The following SLC12A9 variants were observed in gnomAD, a reference collection of about 807,000 sequenced individuals.
SLC12A9 encodes solute carrier family 12 member 9.
SLC12A9 carries 55 observed loss-of-function variants against 66.0 expected under a neutral mutation model. The ratio of observed to expected loss-of-function variants is 0.83; its 90% CI spans 0.67 to 1.04. The LOEUF (loss-of-function observed/expected upper bound fraction) is 1.04, where lower values mean the gene tolerates loss of function less well. SLC12A9 is among the 50% of genes least tolerant of loss of function. The probability of loss-of-function intolerance (pLI) is 0.00; values close to 1 mark genes in which losing one functional copy is unlikely to be tolerated. For synonymous variants in SLC12A9, 577 were observed against 569.0 expected (o/e 1.01, Z -0.20); for missense variants, 1,061 against 1,241.9 (o/e 0.85, Z 2.19).
chr7:100,835,419 AG>A (rs1813633054), intron 1 of SLC12A9, among the ~76,000 whole-genome samples: 1 of 150,972 alleles, frequency 6.6e-6, no homozygotes, highest in South Asian at 2.1e-4. Flanking sequence ...TGGGAAGCCG[AG>A]GTGGGCAGAT....
intron 1 of SLC12A9, among the ~76,000 whole-genome samples, chr7:100,833,731 G>A (rs1411639637): frequency 1.3e-5 from 2 of 151,766 alleles, no homozygotes; most frequent in Non-Finnish European, 2.9e-5. Flanking sequence ...TCAGGAGATC[G>A]AGACAATCCT....
At chr7:100,862,530 G>A in intron 12 of SLC12A9, 151 bp from the exon 13 acceptor site, 1 of 910,376 alleles carries the variant, frequency 1.1e-6, no homozygotes, top group Non-Finnish European at 1.6e-6. Flanking sequence ...ACAGGCATGA[G>A]CCCCGACACC....
intron 1 of SLC12A9, among the ~76,000 whole-genome samples, chr7:100,839,904 G>C (rs914926035): frequency 1.1e-4 from 17 of 151,522 alleles, no homozygotes; most frequent in East Asian, 3.9e-4. Context: ...TTAGCTGGGC[G>C]TGGTGGTGGG....
chr7:100,833,932 CAAAAAAAAAAAAAAAAAA>C (rs60667059), intron 1 of SLC12A9, among the ~76,000 whole-genome samples: 1 of 63,076 alleles, frequency 1.6e-5, no homozygotes, highest in African/African-American at 9.0e-5. Context: ...GACTCTGTCT[CAAAAAAAAAAAAAAAAAA>C]AAAAAAAAAA....
intron 1 of SLC12A9, among the ~76,000 whole-genome samples, chr7:100,838,529 T>G (rs1813714062): frequency 6.6e-6 from 1 of 152,058 alleles, no homozygotes. Flanking sequence ...ATTTATTTAT[T>G]TATTTTGAGA....
intron 1 of SLC12A9, among the ~76,000 whole-genome samples, chr7:100,845,792 T>C (rs1813898455): frequency 6.6e-6 from 1 of 152,204 alleles, no homozygotes; most frequent in South Asian, 2.1e-4. Context: ...GAGAGAATCA[T>C]ACAATATTAT....
intron 1 of SLC12A9, among the ~76,000 whole-genome samples, chr7:100,844,659 A>G (rs1813867745): frequency 6.6e-6 from 1 of 152,218 alleles, no homozygotes; most frequent in South Asian, 2.1e-4. Context: ...AAAGGAAAAA[A>G]TGGCCCTTCC....
chr7:100,828,704 T>G (rs2116482405), intron 1 of SLC12A9, among the ~76,000 whole-genome samples: 2 of 152,202 alleles, frequency 1.3e-5, no homozygotes, highest in East Asian at 3.9e-4. Flanking sequence ...GGGCTGCGGC[T>G]GCGGCTGCTG....
intron 1 of SLC12A9, among the ~76,000 whole-genome samples, chr7:100,845,451 G>A (rs1042663449): frequency 6.6e-6 from 1 of 151,972 alleles, no homozygotes; most frequent in Non-Finnish European, 1.5e-5. Flanking sequence ...CCGGGTTCAC[G>A]CCATTCTCCT....
chr7:100,854,519 G>A (rs937855871), intron 2 of SLC12A9, 101 bp from the exon 3 acceptor site: 3 of 1,597,760 alleles, frequency 1.9e-6, no homozygotes, highest in African/African-American at 1.3e-5. Context: ...GGGGCTCTCT[G>A]TGGGCTTGCA....
At chr7:100,859,359 G>A (rs1814599130) in intron 7 of SLC12A9, 198 bp downstream of exon 7, 1 of 598,302 alleles carries the variant, frequency 1.7e-6, no homozygotes, top group African/African-American at 1.9e-5. Context: ...GGGAGTGAGG[G>A]TGGGTAGTGG....
chr7:100,840,636 T>G (rs1813766731), intron 1 of SLC12A9, among the ~76,000 whole-genome samples: 2 of 142,452 alleles, frequency 1.4e-5, no homozygotes, highest in African/African-American at 2.6e-5. Context: ...AGAGAGGGAG[T>G]CAAGGAGAGA....
Position 100,865,714 on chromosome 7 carries a change from C to T in SLC12A9, c.1859-5C>T, listed in dbSNP as rs762720592. 5 of 1,602,950 alleles carry T rather than the reference C, an allele frequency of 3.1e-6. No homozygotes were observed. Among genetic ancestry groups the T allele is most frequent in the African/African-American group, 2.7e-5 (2 of 74,792 alleles). ...CTGTTCCTGCCTTCCCCGCTCTGCC[C>T]CCAGGTGGCATGAAGCCCAACACGT... On this transcript the variant is annotated splice_polypyrimidine_tract_variant and splice_region_variant and intron_variant, in intron 13 of 13. Transcript: ENST00000354161.
chr7:100,854,559 C>A, intron 2 of SLC12A9, 61 bp from the exon 3 acceptor site: 1 of 1,608,334 alleles, frequency 6.2e-7, no homozygotes, highest in African/African-American at 1.3e-5. Context: ...TCTGCAGAAC[C>A]AGGGGGTGGG....
At chr7:100,863,125 C>A (rs986825589) in intron 13 of SLC12A9, among the ~76,000 whole-genome samples, 13 of 146,800 alleles carry the variant, frequency 8.9e-5, no homozygotes, top group African/African-American at 3.0e-4. Flanking sequence ...AGTACAGTGG[C>A]ACGATCTTGG....
Position 100,866,915 on chromosome 7 carries a change from T to G in SLC12A9, c.*310T>G. 3 of 352,704 alleles carry G rather than the reference T, an allele frequency of 8.5e-6. No homozygotes were observed. The allele number at this position is 352,704 out of a possible 1,614,324, so 21.8% of individuals were successfully genotyped here. A position where few individuals can be genotyped will look rare whatever the true frequency, so the allele number is the denominator to read the frequency against. ...ACTCTGGGCTACCTCAGTTTCCCCA[T>G]TTTGGCCAGACTCACCGGCCCACTG... On this transcript the variant is annotated 3_prime_UTR_variant, in exon 14 of 14. Coordinates refer to ENST00000354161, the MANE Select transcript of SLC12A9 (RefSeq NM_020246.4). The surrounding 1 kb of genome is among the most constrained non-coding windows in gnomAD (Gnocchi z 7.3).
At chr7:100,829,397 A>G (rs1249078222) in intron 1 of SLC12A9, among the ~76,000 whole-genome samples, 1 of 152,118 alleles carries the variant, frequency 6.6e-6, no homozygotes, top group Non-Finnish European at 1.5e-5. Context: ...CGTCCCAGAA[A>G]GGACAGCCGG....
Position 100,855,815 on chromosome 7 carries a change from T to G in SLC12A9, c.426T>G (p.Ser142=). The G allele has an allele frequency of 6.2e-7, 1 of 1,611,890 alleles. No individual in the cohort carries two copies. Among genetic ancestry groups the G allele is most frequent in the South Asian group, 1.1e-5 (1 of 90,720 alleles). The change falls in exon 4 of 14, where the codon TCT becomes TCG. Residue 142 remains serine, a synonymous_variant. Transcript: ENST00000354161. ...TCTCCCTCCTGGGGCTGGTGGAGTC[T>G]GTGCTTGATGTCTTCGGGGCCGGTC... The part of the protein sequence containing the change: ...CAVSLLGLVE[S]VLDVFGADAT...
Position 100,866,302 on chromosome 7 carries a change from G to T in SLC12A9, c.2442G>T (p.Ala814=). ...GGGCCGGGGCTGGGGAACCCGAGGCGGAGGAGGAAGGGGACTTTGTGAACA... is the reference window on the plus strand; with the variant it reads ...GGGCCGGGGCTGGGGAACCCGAGGCTGAGGAGGAAGGGGACTTTGTGAACA... ...GEGAGAGEPE[A]EEEGDFVNSG... Residue 814 remains alanine, a synonymous_variant, in exon 14 of 14, where the codon GCG becomes GCT. Transcript: ENST00000354161. This position sits in a 1 kb window ranked among gnomAD's most constrained non-coding sequence, Gnocchi z 7.3. 1 of 1,516,054 alleles carries T rather than the reference G, an allele frequency of 6.6e-7. No individual in the cohort carries two copies. The highest frequency in any genetic ancestry group is 8.9e-7 in the Non-Finnish European group (1 of 1,129,850). The allele number at this position is 1,516,054 out of a possible 1,614,324, so 93.9% of individuals were successfully genotyped here. A position where few individuals can be genotyped will look rare whatever the true frequency, so the allele number is the denominator to read the frequency against.
Sources: gnomAD v4.1 joint callset for allele counts (sites outside exome capture counted in the v4.1 genomes callset) on GRCh38, gnomAD v4.1.1 for gene constraint, Gnocchi (gnomAD v3.1) non-coding constraint, MANE v1.5 for transcripts, NCBI Gene and HGNC (gene_info 2026-07-23, HGNC 2026-07-21) for gene names.